Variants in SP110 observed in about 807,000 individuals in gnomAD.
SP110 encodes the protein interferon-induced protein 41, 30kD.
SP110 carries 62 observed loss-of-function variants against 92.7 expected under a neutral mutation model. The ratio of observed to expected loss-of-function variants is 0.67; its 90% CI spans 0.55 to 0.83. The LOEUF (loss-of-function observed/expected upper bound fraction) is 0.83, where lower values mean the gene tolerates loss of function less well. Ranked by LOEUF, SP110 falls within the 40% of genes least tolerant of loss-of-function variation. The pLI, the probability that SP110 is intolerant of heterozygous loss-of-function variation, is 0.00. For missense variants in SP110, 793 were observed against 863.9 expected (o/e 0.92, Z 1.03); for synonymous variants, 273 against 305.3 (o/e 0.89, Z 1.10).
intron 15 of SP110, 171 bp from the exon 16 acceptor site, chr2:230,172,345 G>C: frequency 1.5e-6 from 1 of 669,750 alleles, no homozygotes; most frequent in Non-Finnish European, 2.7e-6. Flanking sequence ...CCCTTCCCTC[G>C]CATCAGTGGT....
upstream of SP110, chr2:230,220,247 C>T (rs546130209): frequency 1.2e-5 from 2 of 169,792 alleles, no homozygotes; most frequent in Admixed American, 1.3e-4. Context: ...ACTGGGAACT[C>T]AGCGTCCAAA....
At chr2:230,193,625 G>T (rs1275609803) in intron 10 of SP110, among the ~76,000 whole-genome samples, 1 of 152,144 alleles carries the variant, frequency 6.6e-6, no homozygotes, top group Non-Finnish European at 1.5e-5. Flanking sequence ...ACTTAGCTTT[G>T]CCAGATACAA....
In SP110 at chr2:230,168,764, A is replaced by G. The variant is rs1307657571; in HGVS notation, c.*360T>C. 5.2e-6 allele frequency: 1 copy of G among 190,950 alleles called. No individual in the cohort carries two copies. Among genetic ancestry groups the G allele is most frequent in the African/African-American group, 2.4e-5 (1 of 42,286 alleles). 11.8% of individuals were successfully genotyped at this position (190,950 alleles called of 1,614,324 possible). On this transcript the variant is annotated 3_prime_UTR_variant, in exon 19 of 19. Coordinates refer to ENST00000258381, the MANE Select transcript of SP110 (RefSeq NM_080424.4). ...CTTCAATAAATACATGACAATTTATAGCTTAAAAGAGACATAGGGACAGGA... is the reference window on the plus strand; with the variant it reads ...CTTCAATAAATACATGACAATTTATGGCTTAAAAGAGACATAGGGACAGGA...
chr2:230,178,216 T>G lies in SP110; in HGVS notation c.1388A>C (p.Lys463Thr). ...KSDTVDFHCS[K>T]LPVTCGEAKG... is the part of the protein sequence containing the mutation. ...CGCCTCACCACAGGTCACGGGGAGCTTAGAACAGTGAAAATCCACAGTGTC... is the reference window on the plus strand; with the variant it reads ...CGCCTCACCACAGGTCACGGGGAGCGTAGAACAGTGAAAATCCACAGTGTC... Residue 463 changes from lysine to threonine, a missense_variant, in exon 13 of 19, where the codon AAG becomes ACG. By Grantham distance (78) the Lys-to-Thr change is moderately conservative. Coordinates refer to ENST00000258381, the MANE Select transcript of SP110 (RefSeq NM_080424.4). The G allele has an allele frequency of 6.2e-7, 1 of 1,613,638 alleles. No homozygotes were observed. Among genetic ancestry groups the G allele is most frequent in the East Asian group, 2.2e-5 (1 of 44,882 alleles).
chr2:230,218,321 A>G (rs1559186553), intron 1 of SP110, among the ~76,000 whole-genome samples: 1 of 152,162 alleles, frequency 6.6e-6, no homozygotes, highest in Admixed American at 6.5e-5. Context: ...TCATTCCCCA[A>G]TTTTTTTAAC....
At chr2:230,194,447 CA>C (rs2042773056) in intron 10 of SP110, among the ~76,000 whole-genome samples, 1 of 146,200 alleles carries the variant, frequency 6.8e-6, no homozygotes, top group Non-Finnish European at 1.5e-5. Flanking sequence ...AAAAAATTTA[CA>C]AAATAAATTA....
At chr2:230,201,058 G>A in intron 9 of SP110, 93 bp from the exon 10 acceptor site, 1 of 941,880 alleles carries the variant, frequency 1.1e-6, no homozygotes, top group Non-Finnish European at 1.8e-6. Context: ...CTCTGAAGTT[G>A]AGTCTTGGAG....
Position 230,174,715 on chromosome 2 carries a change from C to T in SP110, c.1591-1756G>A, listed in dbSNP as rs545489576. 6.6e-5 allele frequency among the ~76,000 whole-genome samples: 10 copies of T among 152,370 alleles called. No homozygotes were observed. In the South Asian group the frequency reaches 1.7e-3, roughly 25 times the overall value. ...TCATGTGTGGGTCATGGAGGCAGCACGCTGCAGGGCAACCACAAAACACAT... is the reference window on the plus strand; with the variant it reads ...TCATGTGTGGGTCATGGAGGCAGCATGCTGCAGGGCAACCACAAAACACAT... On this transcript the variant is annotated intron_variant, in intron 14 of 18. Transcript: ENST00000258381.
At position 230,189,747 on chromosome 2, in the gene SP110, T is replaced by C. The variant is rs369813604; in HGVS notation, c.1130-3604A>G. On this transcript the variant is annotated intron_variant, in intron 10 of 18. Transcript: ENST00000258381. ...TGTGTTGTTCCCCTCTCTGTGTCCA[T>C]GTGTTCTCAATGATCAACTCCCACT... Among the ~76,000 whole-genome samples, 3 of 152,282 alleles carry C rather than the reference T, an allele frequency of 2.0e-5. No homozygotes were observed. The East Asian group carries it at 5.8e-4, about 29-fold the overall frequency.
intron 12 of SP110, among the ~76,000 whole-genome samples, chr2:230,182,595 A>G (rs1308467053): frequency 6.6e-6 from 1 of 152,014 alleles, no homozygotes; most frequent in African/African-American, 2.4e-5. Flanking sequence ...ACGAGGTGGG[A>G]GCATTCGGTA....
intron 10 of SP110, among the ~76,000 whole-genome samples, chr2:230,197,336 G>T (rs1439790959): frequency 6.6e-6 from 1 of 151,234 alleles, no homozygotes; most frequent in Non-Finnish European, 1.5e-5. Flanking sequence ...CTGCATAAAT[G>T]TCTTCTTTTG....
intron 11 of SP110, 24 bp from the exon 12 acceptor site, chr2:230,183,664 T>G (rs755112336): frequency 7.6e-7 from 1 of 1,311,380 alleles, no homozygotes; most frequent in Non-Finnish European, 1.1e-6. Flanking sequence ...TAATAATCAC[T>G]TATAGCTACA....
intron 3 of SP110, among the ~76,000 whole-genome samples, chr2:230,213,408 T>C (rs2044718728): frequency 6.6e-6 from 1 of 152,224 alleles, no homozygotes; most frequent in South Asian, 2.1e-4. Context: ...AAACAGATCA[T>C]ACTTCCCCGA....
chr2:230,171,844 C>A, intron 16 of SP110, 77 bp from the exon 17 acceptor site: 1 of 1,147,652 alleles, frequency 8.7e-7, no homozygotes, highest in Non-Finnish European at 1.3e-6. Flanking sequence ...TAGACATGCA[C>A]ACGGATGGGG....
chr2:230,223,082 G>T (rs2045955896), upstream of SP110, among the ~76,000 whole-genome samples: 1 of 150,880 alleles, frequency 6.6e-6, no homozygotes, highest in Non-Finnish European at 1.5e-5. Context: ...CTGTCTCCAG[G>T]CTAGAGTGCT....
intron 10 of SP110, 120 bp downstream of exon 10, chr2:230,200,765 G>A: frequency 1.3e-6 from 1 of 791,272 alleles, no homozygotes; most frequent in Non-Finnish European, 2.2e-6. Flanking sequence ...AATCCAGAAG[G>A]GCTCTCTAGC....
Position 230,194,443 on chromosome 2 carries a change from T to G in SP110, c.1129+6442A>C, listed in dbSNP as rs764762039. ...AGCAAGACCTGGTCTATACAAAAAA[T>G]TTACAAAATAAATTAAAAAAAGAAA... is the stretch of plus-strand genomic sequence containing the variant. On this transcript the variant is annotated intron_variant, in intron 10 of 18. Transcript: ENST00000258381. 4.0e-4 allele frequency among the ~76,000 whole-genome samples: 59 copies of G among 146,176 alleles called. 1 individual carries two copies. Among genetic ancestry groups the G allele is most frequent in the South Asian group, 4.4e-4 (2 of 4,524 alleles).
chr2:230,212,311 C>T, intron 5 of SP110, 36 bp downstream of exon 5: 1 of 1,499,596 alleles, frequency 6.7e-7, no homozygotes, highest in Non-Finnish European at 9.3e-7. Flanking sequence ...TCACAGTCAC[C>T]TTGAGCTAAG....
intron 1 of SP110, among the ~76,000 whole-genome samples, chr2:230,218,750 T>C (rs918073659): frequency 6.6e-6 from 1 of 152,218 alleles, no homozygotes; most frequent in African/African-American, 2.4e-5. Flanking sequence ...CTATGCAAGA[T>C]ACTACATCTC....
Sources: allele counts gnomAD v4.1 joint callset (sites outside exome capture counted in the v4.1 genomes callset), GRCh38; gene constraint gnomAD v4.1.1; transcripts MANE v1.5; gene names NCBI Gene and HGNC (gene_info 2026-07-23, HGNC 2026-07-21).